The following DCP2 variants were observed in gnomAD, a reference collection of about 807,000 sequenced individuals.
The protein encoded by DCP2 is decapping mRNA 2, also known as m7GpppN-mRNA hydrolase.
Under a neutral mutation model 56.1 loss-of-function variants are expected in DCP2, and 30 were observed. That is an observed-to-expected ratio of 0.53 (90% confidence interval 0.40 to 0.73). The LOEUF (loss-of-function observed/expected upper bound fraction) is 0.73. Ranked by LOEUF, DCP2 falls within the 30% of genes least tolerant of loss-of-function variation. DCP2 has a pLI of 0.00. For missense variants in DCP2, 533 were observed against 502.7 expected (o/e 1.06, Z -0.58); for synonymous variants, 197 against 163.3 (o/e 1.21, Z -1.57).
intron 4 of DCP2, among the ~76,000 whole-genome samples, chr5:112,995,446 C>T (rs994896799): frequency 6.6e-6 from 1 of 152,174 alleles, no homozygotes; most frequent in African/African-American, 2.4e-5. Flanking sequence ...TAGCTCTGTA[C>T]ATGGGATTAG....
At chr5:113,009,765 A>G (rs897651922) in intron 9 of DCP2, among the ~76,000 whole-genome samples, 2 of 152,260 alleles carry the variant, frequency 1.3e-5, no homozygotes, top group African/African-American at 4.8e-5. Context: ...TTCTATTTTT[A>G]AAGACTATCA....
intron 8 of DCP2, among the ~76,000 whole-genome samples, chr5:113,006,042 C>A (rs1749416206): frequency 6.6e-6 from 1 of 151,152 alleles, no homozygotes; most frequent in African/African-American, 2.4e-5. Context: ...GGGAAAATCA[C>A]CTGAGCCTGG....
At position 113,021,074 on chromosome 5, in the gene DCP2, A is replaced by C. The variant is rs1750101058; in HGVS notation, c.*7590A>C. 1.3e-5 allele frequency: 2 copies of C among 152,178 alleles called. No individual in the cohort carries two copies. The highest frequency in any genetic ancestry group is 4.1e-4 in the South Asian group (2 of 4,830). The allele number at this position is 152,178 out of a possible 1,614,324, so 9.4% of individuals were successfully genotyped here. A position where few individuals can be genotyped will look rare whatever the true frequency, so the allele number is the denominator to read the frequency against. ...TGGCAAGTATGAGATGAACATGATAAAAGTATGTTTATATAACAGGAAGAA... is the reference window on the plus strand; with the variant it reads ...TGGCAAGTATGAGATGAACATGATACAAGTATGTTTATATAACAGGAAGAA... On this transcript the variant is annotated 3_prime_UTR_variant, in exon 11 of 11. Transcript: ENST00000389063.
intron 1 of DCP2, among the ~76,000 whole-genome samples, chr5:112,981,249 A>G (rs776110948): frequency 3.9e-5 from 6 of 152,030 alleles, no homozygotes; most frequent in African/African-American, 7.2e-5. Context: ...GCCTCAAGCA[A>G]TCCTCCTGCC....
At chr5:112,994,188 T>TA (rs1554100032) in intron 4 of DCP2, among the ~76,000 whole-genome samples, 25 of 139,566 alleles carry the variant, frequency 1.8e-4, no homozygotes, top group Admixed American at 2.8e-4. Context: ...TTTTTTTTTT[T>TA]AAAGACAGGG....
At chr5:112,982,526 A>G (rs1357621108) in intron 1 of DCP2, among the ~76,000 whole-genome samples, 2 of 152,206 alleles carry the variant, frequency 1.3e-5, no homozygotes, top group African/African-American at 2.4e-5. Context: ...TTTAATGTGT[A>G]AAATACCTGT....
At chr5:112,982,651 G>A (rs1748065133) in intron 1 of DCP2, among the ~76,000 whole-genome samples, 1 of 151,934 alleles carries the variant, frequency 6.6e-6, no homozygotes, top group Admixed American at 6.6e-5. Flanking sequence ...AGTAATAATA[G>A]TTTTTTTTCC....
chr5:113,004,096 C>A lies in DCP2; in HGVS notation c.942+19C>A, dbSNP rs1039185646. On this transcript the variant is annotated intron_variant, in intron 8 of 10. Coordinates refer to ENST00000389063, the MANE Select transcript of DCP2 (RefSeq NM_152624.6). ...AGGAAAGGTGAGTGATACACAATTA[C>A]AGTCTTTTCAGAAATTTAGATCATT... is the stretch of plus-strand genomic sequence containing the variant. 1.1e-5 allele frequency: 17 copies of A among 1,598,300 alleles called. No individual in the cohort carries two copies. Among genetic ancestry groups the A allele is most frequent in the Non-Finnish European group, 1.4e-5 (16 of 1,175,004 alleles).
intron 7 of DCP2, among the ~76,000 whole-genome samples, chr5:113,002,936 T>A (rs1332941959): frequency 1.3e-5 from 2 of 152,226 alleles, no homozygotes; most frequent in Non-Finnish European, 2.9e-5. Context: ...ATAATCACCT[T>A]GTTTACAAAG....
At chr5:112,980,598 T>G (rs1462305352) in intron 1 of DCP2, among the ~76,000 whole-genome samples, 1 of 152,194 alleles carries the variant, frequency 6.6e-6, no homozygotes, top group Non-Finnish European at 1.5e-5. Flanking sequence ...TTAAAACAGA[T>G]CAAAAGCATT....
chr5:113,000,358 G>T (rs564705570), intron 4 of DCP2, among the ~76,000 whole-genome samples: 1 of 151,074 alleles, frequency 6.6e-6, no homozygotes, highest in Non-Finnish European at 1.5e-5. Flanking sequence ...GTGAGCCACT[G>T]TGCCCAGTCC....
intron 7 of DCP2, among the ~76,000 whole-genome samples, chr5:113,002,024 G>A (rs534063540): frequency 6.6e-5 from 10 of 152,300 alleles, no homozygotes; most frequent in Admixed American, 2.0e-4. Flanking sequence ...TTCTAAAGAC[G>A]TTTGGATGGA....
intron 1 of DCP2, 34 bp downstream of exon 1, chr5:112,977,020 C>A (rs1747738928): frequency 6.8e-7 from 1 of 1,467,390 alleles, no homozygotes; most frequent in Non-Finnish European, 9.1e-7. Flanking sequence ...TCGCCCCCGT[C>A]GGGTTTTCTC....
chr5:112,990,689 G>C (rs1299727345), intron 2 of DCP2, among the ~76,000 whole-genome samples: 2 of 152,078 alleles, frequency 1.3e-5, no homozygotes, highest in Non-Finnish European at 2.9e-5. Flanking sequence ...CATTCCTCCT[G>C]CTTTGGCCTC....
In DCP2 at chr5:112,984,698, AAAAAAATAT is replaced by A. The variant is rs1190526124; in HGVS notation, c.54-1135_54-1127del. 8.0e-5 allele frequency: 9 copies of A among 111,910 alleles called. No homozygotes were observed. In the South Asian group the frequency reaches 1.6e-3, roughly 20 times the overall value. 6.9% of individuals were successfully genotyped at this position (111,910 alleles called of 1,614,324 possible). ...TTTATTTCTTAATTAAAAAAAAAAA[AAAAAAATAT>A]ATATATATATATATATATTTGAGAC... On this transcript the variant is annotated intron_variant, in intron 1 of 10. Transcript: ENST00000389063.
chr5:113,003,843 A>G (rs1303810687), intron 7 of DCP2, 99 bp from the exon 8 acceptor site: 16 of 1,351,990 alleles, frequency 1.2e-5, no homozygotes, highest in Admixed American at 2.0e-5. Flanking sequence ...ATAGACAGTA[A>G]ATAAGAAAAT....
At chr5:112,985,722 T>C in intron 1 of DCP2, 113 bp from the exon 2 acceptor site, 1 of 1,224,628 alleles carries the variant, frequency 8.2e-7, no homozygotes, top group Non-Finnish European at 1.2e-6. Context: ...TGAACAGTAC[T>C]GCTCTTGGTC....
intron 4 of DCP2, among the ~76,000 whole-genome samples, chr5:112,993,627 AAAAAAAAAAAAACC>A (rs1372613350): frequency 3.5e-5 from 5 of 141,718 alleles, no homozygotes; most frequent in African/African-American, 7.5e-5. Context: ...ACTATCTCAA[AAAAAAAAAAAAACC>A]AAAAAAAAAA....
intron 1 of DCP2, among the ~76,000 whole-genome samples, chr5:112,978,536 C>CA (rs1190364854): frequency 6.6e-6 from 1 of 152,100 alleles, no homozygotes; most frequent in Non-Finnish European, 1.5e-5. Context: ...TTAAACCTCA[C>CA]AAAAGTACAT....
Sources: gnomAD v4.1 joint callset for allele counts (sites outside exome capture counted in the v4.1 genomes callset) on GRCh38, gnomAD v4.1.1 for gene constraint, MANE v1.5 for transcripts, NCBI Gene and HGNC (gene_info 2026-07-23, HGNC 2026-07-21) for gene names.